The following LAMA4 variants were observed in gnomAD, a reference collection of about 807,000 sequenced individuals.
The protein encoded by LAMA4 is laminin subunit alpha 4, also known as laminin subunit alpha-4.
LAMA4 carries 127 observed loss-of-function variants against 207.1 expected under a neutral mutation model. The ratio of observed to expected loss-of-function variants is 0.61; its 90% CI spans 0.53 to 0.71. The LOEUF (loss-of-function observed/expected upper bound fraction) is 0.71, where lower values mean the gene tolerates loss of function less well. LAMA4 is among the 30% of genes least tolerant of loss of function. The pLI, the probability that LAMA4 is intolerant of heterozygous loss-of-function variation, is 0.00. For synonymous variants in LAMA4, 761 were observed against 816.0 expected (o/e 0.93, Z 1.15); for missense variants, 2,093 against 2,246.5 (o/e 0.93, Z 1.38).
rs1554346340 is a variant in LAMA4, at chr6:112,185,306, C to A, written c.1008G>T (p.Lys336Asn). Residue 336 changes from lysine (K) to asparagine (N), a missense_variant, in exon 9 of 39, where the codon AAG (lysine) becomes AAT (asparagine). Around this residue, in one of 3 missense-constraint regions of LAMA4, gnomAD observed 1,704 missense variants for 1,788.4 expected, o/e 0.95. Coordinates refer to ENST00000230538, the MANE Select transcript of LAMA4 (RefSeq NM_001105206.3). The stretch of plus-strand genomic sequence containing the variant: ...TGTTCTCAGCATTGTTGATTTGTAT[C>A]TTTCTTAGGGCGTATTGGTTTTCTC... ...SERENQYALR[K>N]IQINNAENTM... 6.8e-6 allele frequency: 11 copies of A among 1,613,538 alleles called. No homozygotes were observed. The highest frequency in any genetic ancestry group is 9.3e-6 in the Non-Finnish European group (11 of 1,179,496).
chr6:112,125,398 G>A (rs1248157626), intron 31 of LAMA4, among the ~76,000 whole-genome samples: 26 of 152,196 alleles, frequency 1.7e-4, no homozygotes, highest in Non-Finnish European at 2.4e-4. Flanking sequence ...CTATATCCAG[G>A]GAAGTGAGGT....
At chr6:112,137,153 A>G (rs1554331833) in intron 24 of LAMA4, among the ~76,000 whole-genome samples, 1 of 152,180 alleles carries the variant, frequency 6.6e-6, no homozygotes, top group East Asian at 1.9e-4. Context: ...AAATTTTGTA[A>G]CACTCAAATA....
At chr6:112,217,714 A>G (rs1784709602) in intron 2 of LAMA4, 1 of 152,216 alleles carries the variant, frequency 6.6e-6, no homozygotes, top group Non-Finnish European at 1.5e-5. Flanking sequence ...TTGTCTATGA[A>G]AAAAAGGCAA....
At chr6:112,239,813 C>T (rs568805365) in intron 2 of LAMA4, among the ~76,000 whole-genome samples, 18 of 152,218 alleles carry the variant, frequency 1.2e-4, no homozygotes, top group Admixed American at 8.5e-4. Flanking sequence ...CCTGTAATCT[C>T]AGCACTTTGG....
chr6:112,123,951 A>G (rs1778527025), intron 31 of LAMA4, among the ~76,000 whole-genome samples: 2 of 152,194 alleles, frequency 1.3e-5, no homozygotes, highest in Admixed American at 1.3e-4. Context: ...GATAATGGCC[A>G]TAGCTTCAAG....
At chr6:112,247,443 T>C (rs1038890367) in intron 2 of LAMA4, among the ~76,000 whole-genome samples, 1 of 152,172 alleles carries the variant, frequency 6.6e-6, no homozygotes, top group Non-Finnish European at 1.5e-5. Context: ...GTACTCAGCC[T>C]ACAGGGCATT....
intron 10 of LAMA4, among the ~76,000 whole-genome samples, chr6:112,177,349 G>A (rs1364548687): frequency 1.3e-5 from 2 of 152,162 alleles, no homozygotes; most frequent in Admixed American, 1.3e-4. Context: ...GCCCTGGGAT[G>A]CACTTGGTGT....
chr6:112,136,898 C>T (rs1438163836), intron 24 of LAMA4, among the ~76,000 whole-genome samples: 4 of 152,000 alleles, frequency 2.6e-5, no homozygotes, highest in Non-Finnish European at 4.4e-5. Flanking sequence ...TATTCAACTG[C>T]CTTGTCTTTA....
chr6:112,159,075 G>A (rs755225676), intron 13 of LAMA4, 195 bp from the exon 14 acceptor site: 1 of 562,934 alleles, frequency 1.8e-6, no homozygotes, highest in East Asian at 3.1e-5. Context: ...TGTATTGATT[G>A]CTTCCCTAGC....
At chr6:112,157,068 G>C (rs529485832) in intron 14 of LAMA4, among the ~76,000 whole-genome samples, 1 of 152,228 alleles carries the variant, frequency 6.6e-6, no homozygotes, top group East Asian at 1.9e-4. Flanking sequence ...AGGGCCTATA[G>C]AAGTCATGGG....
intron 28 of LAMA4, among the ~76,000 whole-genome samples, chr6:112,131,540 A>G (rs897595614): frequency 6.6e-6 from 1 of 152,152 alleles, no homozygotes; most frequent in African/African-American, 2.4e-5. Flanking sequence ...ACATTTTTAA[A>G]AGCAAGTTAG....
rs115801187 is a variant in LAMA4 at position 112,108,159 on chromosome 6, C to G, written c.*1278G>C. ...TGTTTTATTCCCCTTGGTAATTCCT[C>G]AAAATATTTTATATCCTCTCCCCTC... On this transcript the variant is annotated 3_prime_UTR_variant, in exon 39 of 39. Transcript: ENST00000230538. Among the ~76,000 whole-genome samples the G allele has an allele frequency of 3.7e-4, 56 of 152,074 alleles. No homozygotes were observed. Among genetic ancestry groups the G allele is most frequent in the African/African-American group, 1.3e-3 (53 of 41,494 alleles).
At chr6:112,110,940 C>T (rs587706679) in intron 38 of LAMA4, among the ~76,000 whole-genome samples, 4 of 152,214 alleles carry the variant, frequency 2.6e-5, no homozygotes, top group African/African-American at 9.6e-5. Context: ...GAATGTTTCC[C>T]AGGTTGAATG....
At chr6:112,192,734 T>C (rs528824543) in intron 5 of LAMA4, among the ~76,000 whole-genome samples, 7 of 152,156 alleles carry the variant, frequency 4.6e-5, no homozygotes, top group Non-Finnish European at 1.0e-4. Context: ...GGTGAGGCTG[T>C]CTCTGCCCAG....
At position 112,232,504 on chromosome 6, in the gene LAMA4, T is replaced by G. The variant is rs142905337; in HGVS notation, c.196-16035A>C. Among the ~76,000 whole-genome samples, 733 of 152,344 alleles carry G rather than the reference T, an allele frequency of 4.8e-3. 10 individuals are homozygous for G. The highest frequency in any genetic ancestry group is 5.0e-3 in the Non-Finnish European group (337 of 68,024). On this transcript the variant is annotated intron_variant, in intron 2 of 38. Transcript: ENST00000230538. ...ATACTATTTAATGTAAATATGTATTTTCTTTAACTTTTCATTTATAAATAG... is the reference window on the plus strand; with the variant it reads ...ATACTATTTAATGTAAATATGTATTGTCTTTAACTTTTCATTTATAAATAG...
rs146157494 is a variant in LAMA4, at chr6:112,208,632, G to T, written c.298-1487C>A. On this transcript the variant is annotated intron_variant, in intron 3 of 38. Transcript: ENST00000230538. ...GCTTCTCCAGTAATGTTGAAGAAAA[G>T]GCTTAACAAACAGTAGTAAAATGAA... 2.6e-3 allele frequency among the ~76,000 whole-genome samples: 393 copies of T among 152,260 alleles called. 2 individuals carry two copies. The highest frequency in any genetic ancestry group is 8.6e-3 in the African/African-American group (359 of 41,544).
intron 27 of LAMA4, among the ~76,000 whole-genome samples, 190 bp from the exon 28 acceptor site, chr6:112,133,080 A>G (rs1779136567): frequency 6.6e-6 from 1 of 152,194 alleles, no homozygotes; most frequent in South Asian, 2.1e-4. Context: ...CATCTTCTCC[A>G]CTGACTCCAA....
chr6:112,179,808 C>T (rs1782239231), intron 9 of LAMA4: 1 of 432,960 alleles, frequency 2.3e-6, no homozygotes, highest in Non-Finnish European at 4.6e-6. Context: ...GAGCAAGGCT[C>T]CTGTAGTCAC....
Position 112,112,624 on chromosome 6 carries a change from G to C in LAMA4, c.5326+1452C>G, listed in dbSNP as rs372927091. 1.2e-4 allele frequency among the ~76,000 whole-genome samples: 18 copies of C among 152,210 alleles called. No individual in the cohort carries two copies. In the East Asian group the frequency reaches 2.9e-3, roughly 25 times the overall value. On this transcript the variant is annotated intron_variant, in intron 38 of 38. Transcript: ENST00000230538. Reference sequence around the variant, plus strand: ...AAAGCTGAAGTCAGGAACAGGGAGAGGACTGGGGAATGGAGAGGGGAGTGG... The same window carrying C: ...AAAGCTGAAGTCAGGAACAGGGAGACGACTGGGGAATGGAGAGGGGAGTGG...
Sources: gnomAD v4.1 joint callset for allele counts (sites outside exome capture counted in the v4.1 genomes callset) on GRCh38, gnomAD v4.1.1 for gene constraint, gnomAD v4.1.1 regional missense constraint, MANE v1.5 for transcripts, NCBI Gene and HGNC (gene_info 2026-07-23, HGNC 2026-07-21) for gene names.